The following VPS37A variants were observed in gnomAD, a reference collection of about 807,000 sequenced individuals.
VPS37A encodes vacuolar protein sorting-associated protein 37A.
A neutral mutation model predicts 49.8 loss-of-function variants in VPS37A; 30 were observed. The observed-to-expected ratio is 0.60, with a 90% CI of 0.45 to 0.82. The LOEUF is 0.82. Among genes scored for constraint, VPS37A ranks in the 40% least tolerant of loss-of-function variants. The pLI, the probability that VPS37A is intolerant of heterozygous loss-of-function variation, is 0.00. For missense variants in VPS37A, 593 were observed against 464.4 expected (o/e 1.28, Z -2.55); for synonymous variants, 195 against 160.6 (o/e 1.21, Z -1.62).
chr8:17,251,899 C>G (rs1268628599), intron 1 of VPS37A, among the ~76,000 whole-genome samples: 1 of 152,156 alleles, frequency 6.6e-6, no homozygotes, highest in African/African-American at 2.4e-5. Flanking sequence ...TCCCCCACAG[C>G]TGCTAAGCTT....
At chr8:17,300,825 A>G (rs1817062093), downstream of VPS37A, among the ~76,000 whole-genome samples, 1 of 152,154 alleles carries the variant, frequency 6.6e-6, no homozygotes, top group African/African-American at 2.4e-5. Context: ...ATCTCTATGG[A>G]TTTGCCTAGT....
chr8:17,258,260 T>A (rs975661872), intron 1 of VPS37A, among the ~76,000 whole-genome samples: 2 of 152,230 alleles, frequency 1.3e-5, no homozygotes, highest in Non-Finnish European at 2.9e-5. Flanking sequence ...TTTTTCCACA[T>A]TCACTATAAT....
downstream of VPS37A, among the ~76,000 whole-genome samples, chr8:17,306,120 A>G (rs901176269): frequency 1.3e-5 from 2 of 152,316 alleles, no homozygotes; most frequent in Admixed American, 1.3e-4. Flanking sequence ...TTTAAATTCA[A>G]ATTTCCAGAG....
At chr8:17,287,933 C>T (rs1344569299) in intron 11 of VPS37A, among the ~76,000 whole-genome samples, 2 of 152,028 alleles carry the variant, frequency 1.3e-5, no homozygotes, top group Non-Finnish European at 2.9e-5. Flanking sequence ...ATGAGAGGTT[C>T]CCTAAAACAG....
At chr8:17,280,908 A>T (rs1040596843) in intron 9 of VPS37A, among the ~76,000 whole-genome samples, 2 of 151,994 alleles carry the variant, frequency 1.3e-5, no homozygotes, top group Non-Finnish European at 2.9e-5. Context: ...ATAAAATTCA[A>T]CCTATATTTC....
At chr8:17,283,708 T>C (rs1815321660) in intron 9 of VPS37A, among the ~76,000 whole-genome samples, 1 of 152,212 alleles carries the variant, frequency 6.6e-6, no homozygotes. Flanking sequence ...CATTGTTCTT[T>C]ATGTTTTTAT....
chr8:17,289,981 C>T lies in VPS37A; in HGVS notation c.*3554C>T, dbSNP rs184601386. Among the ~76,000 whole-genome samples the T allele has an allele frequency of 2.8e-4, 42 of 152,246 alleles. 1 individual carries two copies. The East Asian group carries it at 7.9e-3, about 29-fold the overall frequency. ...TTTGAAGCAATTGTGAATGGGAGTT[C>T]ACTCATGATTTGGCTGTTTGTCTAT... On this transcript the variant is annotated intron_variant, in intron 11 of 11. Transcript: ENST00000324849.
chr8:17,306,212 T>C (rs1035325402), downstream of VPS37A, among the ~76,000 whole-genome samples: 1 of 152,124 alleles, frequency 6.6e-6, no homozygotes, highest in Non-Finnish European at 1.5e-5. Flanking sequence ...AGAAATAAAA[T>C]TCAAAGACAC....
chr8:17,307,824 G>T, the VPS37A span, among the ~76,000 whole-genome samples: 1 of 151,554 alleles, frequency 6.6e-6, no homozygotes, highest in Non-Finnish European at 1.5e-5. Flanking sequence ...ACTCATAGGT[G>T]GGAACTGAAC....
At chr8:17,307,280 A>C (rs13267343), downstream of VPS37A, among the ~76,000 whole-genome samples, 17,564 of 152,250 alleles carry the variant, frequency 0.12, 1,369 homozygotes, top group Non-Finnish European at 0.18. Context: ...AAGACACATG[A>C]AAAAATGCTC....
At chr8:17,287,730 A>G (rs1815746376) in intron 11 of VPS37A, among the ~76,000 whole-genome samples, 1 of 152,134 alleles carries the variant, frequency 6.6e-6, no homozygotes, top group Non-Finnish European at 1.5e-5. Context: ...TCCTGATTAT[A>G]TCATCTGACA....
intron 1 of VPS37A, among the ~76,000 whole-genome samples, chr8:17,261,992 G>C (rs1353245769): frequency 6.6e-6 from 1 of 152,134 alleles, no homozygotes; most frequent in Non-Finnish European, 1.5e-5. Flanking sequence ...GCAGGGATGA[G>C]TCTCCTGCCA....
chr8:17,324,125 TAAAC>T, the VPS37A span, among the ~76,000 whole-genome samples: 17 of 152,316 alleles, frequency 1.1e-4, no homozygotes, highest in East Asian at 2.1e-3. Flanking sequence ...ACATCACTAA[TAAAC>T]AAGCAAGATC....
chr8:17,288,724 G>C (rs904980694), intron 11 of VPS37A, among the ~76,000 whole-genome samples: 2 of 152,122 alleles, frequency 1.3e-5, no homozygotes, highest in Admixed American at 6.6e-5. Flanking sequence ...ATAATACTTT[G>C]GGTATATACC....
intron 1 of VPS37A, among the ~76,000 whole-genome samples, chr8:17,256,556 G>C (rs939031022): frequency 6.6e-6 from 1 of 151,754 alleles, no homozygotes; most frequent in African/African-American, 2.4e-5. Context: ...TTGTCAGATG[G>C]ATAGTTTACA....
intron 4 of VPS37A, among the ~76,000 whole-genome samples, chr8:17,272,983 T>A (rs1362742814): frequency 6.7e-6 from 1 of 150,262 alleles, no homozygotes; most frequent in African/African-American, 2.5e-5. Context: ...TATTGTATTT[T>A]CCCCCTTTTT....
intron 11 of VPS37A, among the ~76,000 whole-genome samples, chr8:17,292,207 T>C: frequency 6.6e-6 from 1 of 152,204 alleles, no homozygotes; most frequent in East Asian, 1.9e-4. Flanking sequence ...CATTGATCCC[T>C]TTACCATTAT....
chr8:17,247,496 T>G, intron 1 of VPS37A, 127 bp downstream of exon 1: 1 of 1,323,144 alleles, frequency 7.6e-7, no homozygotes, highest in Non-Finnish European at 1.0e-6. Flanking sequence ...CCCTTGGTTG[T>G]GGGTCACACG....
rs550364901 is a variant in VPS37A, at chr8:17,265,220, G to A, written c.126-687G>A. On this transcript the variant is annotated intron_variant, in intron 1 of 11. Coordinates refer to ENST00000324849, the MANE Select transcript of VPS37A (RefSeq NM_152415.3). Reference sequence around the variant, plus strand: ...AGATCCAAGGAGGAAGTAGAAGGAAGGCAGGAAGGGCAAAATGGGCTCATA... The same window carrying A: ...AGATCCAAGGAGGAAGTAGAAGGAAAGCAGGAAGGGCAAAATGGGCTCATA... Among the ~76,000 whole-genome samples, 288 of 152,264 alleles carry A rather than the reference G, an allele frequency of 1.9e-3. 1 individual carries two copies. Among genetic ancestry groups the A allele is most frequent in the South Asian group, 0.014 (68 of 4,822 alleles).
Sources: allele counts gnomAD v4.1 joint callset (sites outside exome capture counted in the v4.1 genomes callset), GRCh38; gene constraint gnomAD v4.1.1; transcripts MANE v1.5; gene names NCBI Gene and HGNC (gene_info 2026-07-23, HGNC 2026-07-21).